MCM6: variants seen among roughly 807,000 people sequenced by gnomAD.
MCM6 encodes DNA replication licensing factor MCM6.
Under a neutral mutation model 94.3 loss-of-function variants are expected in MCM6, and 46 were observed. The observed-to-expected ratio is 0.49, with a 90% CI of 0.39 to 0.62. The LOEUF (loss-of-function observed/expected upper bound fraction) is 0.62. Among genes scored for constraint, MCM6 ranks in the 20% least tolerant of loss-of-function variants. The pLI is 0.00. For synonymous variants in MCM6, 335 were observed against 351.9 expected (o/e 0.95, Z 0.54); for missense variants, 865 against 1,017.9 (o/e 0.85, Z 2.04).
intron 2 of MCM6, among the ~76,000 whole-genome samples, chr2:135,872,365 T>C (rs1680216643): frequency 6.6e-6 from 1 of 152,084 alleles, no homozygotes. Context: ...GAAGAATCGC[T>C]TGAACCCGGG....
intron 9 of MCM6, 56 bp from the exon 10 acceptor site, chr2:135,858,060 C>G: frequency 6.7e-7 from 1 of 1,496,698 alleles, no homozygotes; most frequent in Non-Finnish European, 9.3e-7. Flanking sequence ...ATGCATGGCT[C>G]ACACTTGTAA....
intron 12 of MCM6, among the ~76,000 whole-genome samples, chr2:135,852,111 T>C (rs1679788129): frequency 6.6e-6 from 1 of 152,164 alleles, no homozygotes; most frequent in Admixed American, 6.5e-5. Context: ...GAATCACCCA[T>C]AATCCTTAGT....
At chr2:135,870,416 C>T in intron 2 of MCM6, 55 bp from the exon 3 acceptor site, 1 of 1,139,682 alleles carries the variant, frequency 8.8e-7, no homozygotes, top group Non-Finnish European at 1.3e-6. Context: ...GCCTCCTTCC[C>T]TTTACATACC....
intron 9 of MCM6, 41 bp downstream of exon 9, chr2:135,859,260 A>G (rs1679945184): frequency 6.4e-7 from 1 of 1,550,586 alleles, no homozygotes; most frequent in Non-Finnish European, 8.8e-7. Flanking sequence ...GGGTAGGGGT[A>G]TTCTGACTTC....
intron 1 of MCM6, among the ~76,000 whole-genome samples, chr2:135,875,325 C>A (rs762894101): frequency 6.6e-6 from 1 of 151,868 alleles, no homozygotes; most frequent in Admixed American, 6.6e-5. Flanking sequence ...GATGGTGACA[C>A]TGCACTCCGG....
intron 16 of MCM6, among the ~76,000 whole-genome samples, chr2:135,841,282 C>T (rs1679564168): frequency 6.6e-6 from 1 of 152,034 alleles, no homozygotes; most frequent in Non-Finnish European, 1.5e-5. Flanking sequence ...GCAAAATCTT[C>T]TAATTAATTG....
chr2:135,847,872 A>G (rs549007162), intron 14 of MCM6, among the ~76,000 whole-genome samples, 181 bp downstream of exon 14: 3 of 152,250 alleles, frequency 2.0e-5, no homozygotes, highest in Non-Finnish European at 4.4e-5. Context: ...AAGTATATAT[A>G]TTTTATATCA....
At chr2:135,870,775 C>A (rs1242158094) in intron 2 of MCM6, among the ~76,000 whole-genome samples, 1 of 152,206 alleles carries the variant, frequency 6.6e-6, no homozygotes, top group Non-Finnish European at 1.5e-5. Flanking sequence ...GAGACAAGGT[C>A]TCACTCTGTC....
At chr2:135,875,603 G>A (rs1275292656) in intron 1 of MCM6, among the ~76,000 whole-genome samples, 1 of 152,166 alleles carries the variant, frequency 6.6e-6, no homozygotes, top group Non-Finnish European at 1.5e-5. Context: ...GAGGAGGTTG[G>A]GGTTATGAAG....
intron 8 of MCM6, among the ~76,000 whole-genome samples, chr2:135,861,408 T>C (rs1679990265): frequency 6.6e-6 from 1 of 152,032 alleles, no homozygotes; most frequent in Non-Finnish European, 1.5e-5. Context: ...GCTGCTAGAG[T>C]AAGACATAAC....
intron 12 of MCM6, chr2:135,851,922 A>C (rs1156730755): frequency 6.3e-6 from 1 of 158,994 alleles, no homozygotes; most frequent in Non-Finnish European, 1.4e-5. Context: ...TTTGAGGCTC[A>C]ATTAATTAAC....
At chr2:135,841,442 G>A (rs1304652080) in intron 16 of MCM6, among the ~76,000 whole-genome samples, 2 of 152,004 alleles carry the variant, frequency 1.3e-5, no homozygotes, top group Non-Finnish European at 2.9e-5. Flanking sequence ...AAAAAAGGTA[G>A]AACATGCCAT....
chr2:135,844,131 A>G (rs1679630095), intron 16 of MCM6, among the ~76,000 whole-genome samples: 1 of 152,172 alleles, frequency 6.6e-6, no homozygotes. Context: ...AAAAAAAAAA[A>G]AAGTTATATT....
In MCM6 at chr2:135,866,695, G is replaced by A. The variant is rs1575366764; in HGVS notation, c.649C>T (p.Arg217Ter). 2.5e-6 allele frequency: 4 copies of A among 1,612,858 alleles called. No individual in the cohort carries two copies. The highest frequency in any genetic ancestry group is 3.4e-6 in the Non-Finnish European group (4 of 1,179,600). ...RIQETQAELP[R>*]GSIPRSLEVI... Reference sequence around the variant, plus strand: ...TCTAAACTGCGGGGGATACTCCCTCGAGGAAGCTCAGCTTGGGTCTCTTGA... The same window carrying A: ...TCTAAACTGCGGGGGATACTCCCTCAAGGAAGCTCAGCTTGGGTCTCTTGA... Residue 217 changes from arginine to a stop codon, truncating the protein, a stop_gained, in exon 5 of 17, where the codon CGA becomes TGA. Transcript: ENST00000264156. LOFTEE classifies it high-confidence loss of function.
Position 135,872,743 on chromosome 2 carries a change from G to A in MCM6, c.208C>T (p.Gln70Ter). The change falls in exon 2 of 17, where the codon CAA becomes TAA. Residue 70 changes from glutamine (Q) to a stop codon, truncating the protein, a stop_gained. Transcript: ENST00000264156. LOFTEE classifies it high-confidence loss of function. Reference sequence around the variant, plus strand: ...GTGGTGGAAAGTTGCTGGTTAAATTGTTCCAGGTCCACAAAACTCACAACC... The same window carrying A: ...GTGGTGGAAAGTTGCTGGTTAAATTATTCCAGGTCCACAAAACTCACAACC... ...TLVVSFVDLE[Q>*]FNQQLSTTIQ... is the part of the protein sequence containing the mutation. 1 of 1,614,140 alleles carries A rather than the reference G, an allele frequency of 6.2e-7. No individual in the cohort carries two copies. Among genetic ancestry groups the A allele is most frequent in the Non-Finnish European group, 8.5e-7 (1 of 1,180,028 alleles).
rs1390271716 is a variant in MCM6 at position 135,840,868 on chromosome 2, C to T, written c.2433G>A (p.Leu811=). The T allele has an allele frequency of 1.2e-6, 2 of 1,613,632 alleles. No homozygotes were observed. The highest frequency in any genetic ancestry group is 1.7e-6 in the Non-Finnish European group (2 of 1,179,550). Residue 811 remains leucine, a synonymous_variant, in exon 17 of 17, where the codon TTG becomes TTA. Coordinates refer to ENST00000264156, the MANE Select transcript of MCM6 (RefSeq NM_005915.6). ...CGAGCAAGTAGTTAGGGTTAACTACCAAGTAGGGATCTTCTTCATAGCTCT... is the reference window on the plus strand; with the variant it reads ...CGAGCAAGTAGTTAGGGTTAACTACTAAGTAGGGATCTTCTTCATAGCTCT... ...GSESYEEDPY[L]VVNPNYLLED
chr2:135,872,449 CAAAAAACA>C (rs1431158639), intron 2 of MCM6, among the ~76,000 whole-genome samples: 3 of 143,262 alleles, frequency 2.1e-5, no homozygotes, highest in Non-Finnish European at 4.6e-5. Context: ...GACTCCGTCT[CAAAAAACA>C]AACAAACAAA....
At chr2:135,848,593 T>TA (rs1434846504) in intron 13 of MCM6, among the ~76,000 whole-genome samples, 18 of 152,170 alleles carry the variant, frequency 1.2e-4, no homozygotes, top group African/African-American at 4.3e-4. Context: ...ATACATCCCA[T>TA]AAGAACTAGG....
At chr2:135,843,187 T>C (rs1296382065) in intron 16 of MCM6, among the ~76,000 whole-genome samples, 1 of 152,036 alleles carries the variant, frequency 6.6e-6, no homozygotes, top group African/African-American at 2.4e-5. Flanking sequence ...TCCAAGGCAT[T>C]TGGCCTATAG....
Sources: gnomAD v4.1 joint callset for allele counts (sites outside exome capture counted in the v4.1 genomes callset) on GRCh38, gnomAD v4.1.1 for gene constraint, MANE v1.5 for transcripts, NCBI Gene and HGNC (gene_info 2026-07-23, HGNC 2026-07-21) for gene names.